The following PSD3 variants were observed in gnomAD, a reference collection of about 807,000 sequenced individuals.
The protein encoded by PSD3 is pleckstrin and Sec7 domain containing 3.
A neutral mutation model predicts 105.5 loss-of-function variants in PSD3; 49 were observed. The observed-to-expected ratio is 0.46, with a 90% confidence interval of 0.37 to 0.59. The LOEUF (loss-of-function observed/expected upper bound fraction) is 0.59, where lower values mean the gene tolerates loss of function less well. PSD3 is among the 20% of genes least tolerant of loss of function. PSD3 has a pLI of 0.00. For missense variants in PSD3, 1,561 were observed against 1,263.8 expected (o/e 1.24, Z -3.57); for synonymous variants, 557 against 457.8 (o/e 1.22, Z -2.77).
chr8:18,849,891 C>T (rs1815428656), intron 4 of PSD3, among the ~76,000 whole-genome samples: 1 of 152,220 alleles, frequency 6.6e-6, no homozygotes, highest in Admixed American at 6.5e-5. Flanking sequence ...GCTAGATGCA[C>T]AAGTTCTAGC....
chr8:19,071,721 T>A (rs1431533400), intron 1 of PSD3, among the ~76,000 whole-genome samples: 1 of 151,924 alleles, frequency 6.6e-6, no homozygotes, highest in Admixed American at 6.6e-5. Flanking sequence ...CTTCTTCTTC[T>A]TCTTCTTTTT....
chr8:18,599,614 G>C (rs575341455), intron 12 of PSD3, among the ~76,000 whole-genome samples: 4 of 152,168 alleles, frequency 2.6e-5, no homozygotes, highest in Non-Finnish European at 4.4e-5. Context: ...CCTATATATA[G>C]ATGACCCTTA....
At chr8:18,927,962 G>A (rs554566919) in intron 2 of PSD3, among the ~76,000 whole-genome samples, 1 of 152,248 alleles carries the variant, frequency 6.6e-6, no homozygotes, top group Non-Finnish European at 1.5e-5. Context: ...GTTTAATGTA[G>A]AATTGCCATT....
upstream of PSD3, chr8:19,084,787 G>A (rs1489492829): frequency 7.8e-6 from 2 of 255,480 alleles, no homozygotes; most frequent in Admixed American, 9.9e-5. Flanking sequence ...GTGCGCCTGA[G>A]GTCCCAGCCT....
At chr8:18,683,894 T>C (rs1166327514) in intron 9 of PSD3, 1 of 765,284 alleles carries the variant, frequency 1.3e-6, no homozygotes, top group South Asian at 1.3e-5. Flanking sequence ...TCCTCACCCG[T>C]ACCTTGCTGG....
intron 1 of PSD3, among the ~76,000 whole-genome samples, chr8:19,045,534 C>T (rs1159592003): frequency 6.6e-6 from 1 of 152,184 alleles, no homozygotes; most frequent in African/African-American, 2.4e-5. Context: ...CGGCAGTGCT[C>T]AGTAGCTGGT....
At chr8:18,955,995 T>C (rs1018130999) in intron 1 of PSD3, among the ~76,000 whole-genome samples, 5 of 152,102 alleles carry the variant, frequency 3.3e-5, no homozygotes, top group Admixed American at 1.3e-4. Context: ...CTCGAACCCC[T>C]GACCTCAGGT....
chr8:18,627,701 A>C (rs1806592855), intron 11 of PSD3, among the ~76,000 whole-genome samples: 1 of 152,020 alleles, frequency 6.6e-6, no homozygotes, highest in African/African-American at 2.4e-5. Context: ...GCACACCAGG[A>C]GAAAATCCAG....
chr8:18,815,085 T>A (rs1044043740), intron 4 of PSD3, among the ~76,000 whole-genome samples: 1 of 152,160 alleles, frequency 6.6e-6, no homozygotes, highest in African/African-American at 2.4e-5. Flanking sequence ...TGAATTTAGT[T>A]TGATCAAATA....
intron 9 of PSD3, among the ~76,000 whole-genome samples, chr8:18,764,335 A>G (rs917274885): frequency 2.6e-5 from 4 of 152,100 alleles, no homozygotes; most frequent in African/African-American, 9.7e-5. Context: ...TGCACCATTT[A>G]TCTCCCGCTC....
chr8:19,059,528 A>C (rs937572406), intron 1 of PSD3, among the ~76,000 whole-genome samples: 1 of 152,230 alleles, frequency 6.6e-6, no homozygotes, highest in African/African-American at 2.4e-5. Context: ...GATTTAAGCC[A>C]GTATCAGGTG....
intron 15 of PSD3, among the ~76,000 whole-genome samples, chr8:18,553,060 CTGTT>C (rs149264529): frequency 0.037 from 5,681 of 152,180 alleles, 142 homozygotes; most frequent in African/African-American, 0.07. Context: ...CCATGAAGCA[CTGTT>C]TGTACTCAAA....
At chr8:18,750,592 C>T (rs1043233365) in intron 9 of PSD3, among the ~76,000 whole-genome samples, 2 of 152,076 alleles carry the variant, frequency 1.3e-5, no homozygotes, top group Non-Finnish European at 2.9e-5. Flanking sequence ...GAGTGGGTTG[C>T]CACTGCTGGC....
intron 9 of PSD3, among the ~76,000 whole-genome samples, chr8:18,685,127 C>T (rs149797454): frequency 8.5e-5 from 13 of 152,300 alleles, no homozygotes; most frequent in African/African-American, 3.1e-4. Flanking sequence ...ATCCATCCCA[C>T]CCCTCAGATT....
chr8:18,611,918 C>T (rs774407329), intron 11 of PSD3, among the ~76,000 whole-genome samples: 1 of 152,206 alleles, frequency 6.6e-6, no homozygotes, highest in Non-Finnish European at 1.5e-5. Flanking sequence ...AAGACCCCTT[C>T]TTGCTTAACT....
At chr8:18,857,451 G>C (rs1816105229) in intron 4 of PSD3, among the ~76,000 whole-genome samples, 1 of 152,144 alleles carries the variant, frequency 6.6e-6, no homozygotes, top group African/African-American at 2.4e-5. Flanking sequence ...TGAGAACCTA[G>C]GCTGCGCATC....
chr8:18,609,101 AT>A (rs1362386295), intron 11 of PSD3, among the ~76,000 whole-genome samples: 13 of 152,324 alleles, frequency 8.5e-5, no homozygotes, highest in Non-Finnish European at 1.5e-4. Context: ...CATTTAACAT[AT>A]TAATCTTTAC....
intron 2 of PSD3, among the ~76,000 whole-genome samples, chr8:18,875,323 T>G (rs1445898398): frequency 6.6e-6 from 1 of 152,182 alleles, no homozygotes; most frequent in African/African-American, 2.4e-5. Flanking sequence ...AAATGTAGCT[T>G]GCTTACATCT....
At chr8:18,660,441 C>T (rs779812412) in intron 9 of PSD3, among the ~76,000 whole-genome samples, 8 of 152,150 alleles carry the variant, frequency 5.3e-5, no homozygotes, top group Non-Finnish European at 7.3e-5. Context: ...GTTTCAGCAG[C>T]CCGAGGAAAC....
Sources: allele counts gnomAD v4.1 joint callset (sites outside exome capture counted in the v4.1 genomes callset), GRCh38; gene constraint gnomAD v4.1.1; transcripts MANE v1.5; gene names NCBI Gene and HGNC (gene_info 2026-07-23, HGNC 2026-07-21).